The following PARD6G variants were observed in gnomAD, a reference collection of about 807,000 sequenced individuals.
The protein encoded by PARD6G is partitioning defective 6 homolog gamma.
PARD6G carries 7 observed loss-of-function variants against 10.7 expected under a neutral mutation model. The observed-to-expected ratio is 0.66, with a 90% CI of 0.37 to 1.23. The LOEUF (loss-of-function observed/expected upper bound fraction) is 1.23, where lower values mean the gene tolerates loss of function less well. PARD6G is among the 50% of genes most tolerant of loss of function. The pLI, the probability that PARD6G is intolerant of heterozygous loss-of-function variation, is 0.02. For synonymous variants in PARD6G, 287 were observed against 269.4 expected (o/e 1.07, Z -0.64); for missense variants, 548 against 571.8 (o/e 0.96, Z 0.42).
In PARD6G at chr18:80,180,755, C is replaced by T. The variant is rs1260541047; in HGVS notation, c.296-20149G>A. On this transcript the variant is annotated intron_variant, in intron 2 of 2. Transcript: ENST00000353265. The surrounding 1 kb of genome is among the most constrained non-coding windows in gnomAD (Gnocchi z 5.6). ...GGGGCCGGACGTCCACCTGCAGGCC[C>T]AGCCCTTCCTCATCACAACAGAGAG... 2.6e-5 allele frequency among the ~76,000 whole-genome samples: 4 copies of T among 152,144 alleles called. No individual in the cohort carries two copies. The highest frequency in any genetic ancestry group is 9.7e-5 in the African/African-American group (4 of 41,428).
At position 80,238,696 on chromosome 18, in the gene PARD6G, G is replaced by C. The variant is rs895471953; in HGVS notation, c.72+8581C>G. 4.6e-5 allele frequency among the ~76,000 whole-genome samples: 7 copies of C among 152,172 alleles called. No individual in the cohort carries two copies. In the East Asian group the frequency reaches 1.4e-3, roughly 29 times the overall value. ...ACACTTAAGATGAGTGTATTTCACT[G>C]TAATACACTCACTGAACACAGCAGA... is the stretch of plus-strand genomic sequence containing the variant. On this transcript the variant is annotated intron_variant, in intron 1 of 2. Transcript: ENST00000353265.
In PARD6G at chr18:80,239,123, C is replaced by T. The variant is rs75969747; in HGVS notation, c.72+8154G>A. Among the ~76,000 whole-genome samples, 478 of 152,134 alleles carry T rather than the reference C, an allele frequency of 3.1e-3. 3 individuals are homozygous for T. Among genetic ancestry groups the T allele is most frequent in the African/African-American group, 8.3e-3 (345 of 41,502 alleles). ...TGTCTATGAAGTATGGGATGAGTGA[C>T]TGATGTGAAGGGAGAATAAGGGAGA... On this transcript the variant is annotated intron_variant, in intron 1 of 2. Coordinates refer to ENST00000353265, the MANE Select transcript of PARD6G (RefSeq NM_032510.4).
chr18:80,244,337 G>C (rs914040759), intron 1 of PARD6G, among the ~76,000 whole-genome samples: 22 of 152,108 alleles, frequency 1.4e-4, no homozygotes, highest in Non-Finnish European at 2.1e-4. Context: ...ATGAATCACT[G>C]GAATTCAGGT....
In PARD6G at chr18:80,185,906, C is replaced by A. The variant is rs1206757867; in HGVS notation, c.295+16804G>T. On this transcript the variant is annotated intron_variant, in intron 2 of 2. Transcript: ENST00000353265. ...TGCTTGCACACCCTCACACACGCAC[C>A]CACACATGCATACACCCTCACGCGG... 4.7e-5 allele frequency among the ~76,000 whole-genome samples: 6 copies of A among 128,192 alleles called. No individual in the cohort carries two copies. In the South Asian group the frequency reaches 1.6e-3, roughly 34 times the overall value. 84.1% of individuals were successfully genotyped at this position (128,192 alleles called of 152,430 possible).
chr18:80,205,948 A>G (rs1477577212), intron 1 of PARD6G, among the ~76,000 whole-genome samples: 1 of 152,248 alleles, frequency 6.6e-6, no homozygotes, highest in Admixed American at 6.5e-5. Flanking sequence ...TTCTCACTTC[A>G]GTATCACCGC....
At chr18:80,213,544 A>C (rs1446849763) in intron 1 of PARD6G, among the ~76,000 whole-genome samples, 1 of 152,218 alleles carries the variant, frequency 6.6e-6, no homozygotes, top group Non-Finnish European at 1.5e-5. Context: ...CACTAAGCAA[A>C]GATTGAAAGT....
chr18:80,208,068 T>C (rs143374622), intron 1 of PARD6G, among the ~76,000 whole-genome samples: 110 of 152,270 alleles, frequency 7.2e-4, no homozygotes, highest in African/African-American at 2.6e-3. Flanking sequence ...ATCAAATCAC[T>C]GCAGCATTTA....
Position 80,200,678 on chromosome 18 carries a change from T to C in PARD6G, c.295+2032A>G, listed in dbSNP as rs1258777175. 1.3e-5 allele frequency among the ~76,000 whole-genome samples: 2 copies of C among 152,172 alleles called. No homozygotes were observed. The highest frequency in any genetic ancestry group is 2.9e-5 in the Non-Finnish European group (2 of 68,036). ...GAGCCAGCTAGTTAAACTGGGCTAC[T>C]ACTCTGAGGGCAGAGGAAGAAGGAA... On this transcript the variant is annotated intron_variant, in intron 2 of 2. Coordinates refer to ENST00000353265, the MANE Select transcript of PARD6G (RefSeq NM_032510.4). The surrounding 1 kb of genome is among the most constrained non-coding windows in gnomAD (Gnocchi z 4.4).
chr18:80,198,198 A>T (rs1439038409), intron 2 of PARD6G, among the ~76,000 whole-genome samples: 1 of 152,198 alleles, frequency 6.6e-6, no homozygotes. Context: ...CTGTCGTCTG[A>T]GCCTCAAATG....
chr18:80,237,659 A>T (rs1353934665), intron 1 of PARD6G, among the ~76,000 whole-genome samples: 1 of 152,244 alleles, frequency 6.6e-6, no homozygotes, highest in Non-Finnish European at 1.5e-5. Context: ...TACAAGAAAA[A>T]AACAACCCCA....
Position 80,159,598 on chromosome 18 carries a change from G to A in PARD6G, c.*173C>T, listed in dbSNP as rs2052680741. 6 of 1,116,540 alleles carry A rather than the reference G, an allele frequency of 5.4e-6. No homozygotes were observed. Among genetic ancestry groups the A allele is most frequent in the Middle Eastern group, 2.4e-4 (1 of 4,148 alleles). 69.2% of individuals were successfully genotyped at this position (1,116,540 alleles called of 1,614,324 possible). ...AGGCGTTCATTTTAAGTTCTGTGGCGAAATTCTATAAAAATAGGCAATACT... is the reference window on the plus strand; with the variant it reads ...AGGCGTTCATTTTAAGTTCTGTGGCAAAATTCTATAAAAATAGGCAATACT... On this transcript the variant is annotated 3_prime_UTR_variant, in exon 3 of 3. Transcript: ENST00000353265.
chr18:80,172,034 G>A (rs915078680), intron 2 of PARD6G, among the ~76,000 whole-genome samples: 4 of 152,204 alleles, frequency 2.6e-5, no homozygotes, highest in Non-Finnish European at 4.4e-5. Context: ...GTGTGGACAC[G>A]TTTTCCCTTC....
At chr18:80,186,354 C>T (rs1469997244) in intron 2 of PARD6G, among the ~76,000 whole-genome samples, 2 of 95,328 alleles carry the variant, frequency 2.1e-5, no homozygotes, top group Non-Finnish European at 4.4e-5. Context: ...CATGCACCCT[C>T]ACACATGCTC....
intron 1 of PARD6G, among the ~76,000 whole-genome samples, chr18:80,203,268 G>T (rs1353369219): frequency 6.6e-6 from 1 of 152,138 alleles, no homozygotes; most frequent in African/African-American, 2.4e-5. Context: ...GTTGTATTAA[G>T]AAAATAAAAG....
In PARD6G at chr18:80,189,976, C is replaced by T. The variant is rs555611678; in HGVS notation, c.295+12734G>A. Among the ~76,000 whole-genome samples, 22 of 152,264 alleles carry T rather than the reference C, an allele frequency of 1.4e-4. No individual in the cohort carries two copies. The South Asian group carries it at 4.1e-3, about 29-fold the overall frequency. On this transcript the variant is annotated intron_variant, in intron 2 of 2. Transcript: ENST00000353265. This position sits in a 1 kb window ranked among gnomAD's most constrained non-coding sequence, Gnocchi z 5.5. ...CAGTGTTGTGTAACCACCACCACCA[C>T]CTAATTCTGGAACACTTCATCACCC...
intron 2 of PARD6G, among the ~76,000 whole-genome samples, chr18:80,199,206 A>G (rs1233960625): frequency 6.6e-6 from 1 of 152,230 alleles, no homozygotes; most frequent in Non-Finnish European, 1.5e-5. Context: ...GCCTCTGGTC[A>G]CAACATTTCA....
chr18:80,209,121 AAAC>A (rs1335869847), intron 1 of PARD6G, among the ~76,000 whole-genome samples: 1 of 151,140 alleles, frequency 6.6e-6, no homozygotes, highest in African/African-American at 2.5e-5. Context: ...ACAAACAAAC[AAAC>A]AAAAAAAAAA....
chr18:80,180,500 G>A lies in PARD6G; in HGVS notation c.296-19894C>T, dbSNP rs2052843447. On this transcript the variant is annotated intron_variant, in intron 2 of 2. Transcript: ENST00000353265. This position sits in a 1 kb window ranked among gnomAD's most constrained non-coding sequence, Gnocchi z 5.6. The stretch of plus-strand genomic sequence containing the variant: ...CCAGGTATCACCGGGGCCCTCCCAG[G>A]ACCAACCCAGCCGGTGGTCAGGGGT... Among the ~76,000 whole-genome samples, 1 of 152,128 alleles carries A rather than the reference G, an allele frequency of 6.6e-6. No individual in the cohort carries two copies. The highest frequency in any genetic ancestry group is 1.5e-5 in the Non-Finnish European group (1 of 68,014).
rs1966883533 is a variant in PARD6G, at chr18:80,189,971, C to T, written c.295+12739G>A. The stretch of plus-strand genomic sequence containing the variant: ...ATATTCAGTGTTGTGTAACCACCAC[C>T]ACCACCTAATTCTGGAACACTTCAT... On this transcript the variant is annotated intron_variant, in intron 2 of 2. Coordinates refer to ENST00000353265, the MANE Select transcript of PARD6G (RefSeq NM_032510.4). The surrounding 1 kb of genome is among the most constrained non-coding windows in gnomAD (Gnocchi z 5.5). Among the ~76,000 whole-genome samples, 1 of 152,078 alleles carries T rather than the reference C, an allele frequency of 6.6e-6. No homozygotes were observed. Among genetic ancestry groups the T allele is most frequent in the African/African-American group, 2.4e-5 (1 of 41,380 alleles).
Sources: gnomAD v4.1 joint callset for allele counts (sites outside exome capture counted in the v4.1 genomes callset) on GRCh38, gnomAD v4.1.1 for gene constraint, Gnocchi (gnomAD v3.1) non-coding constraint, MANE v1.5 for transcripts, NCBI Gene and HGNC (gene_info 2026-07-23, HGNC 2026-07-21) for gene names.